Variants in CDK2AP1 observed in about 807,000 individuals in gnomAD.
CDK2AP1 encodes cyclin dependent kinase 2 associated protein 1, also known as cyclin-dependent kinase 2-associated protein 1.
Under a neutral mutation model 14.1 loss-of-function variants are expected in CDK2AP1, and 10 were observed. The observed-to-expected ratio is 0.71, with a 90% confidence interval of 0.44 to 1.20. The LOEUF is 1.20. Ranked by LOEUF, CDK2AP1 falls within the 50% of genes most tolerant of loss-of-function variation. The pLI is 0.00. For missense variants in CDK2AP1, 102 were observed against 149.9 expected (o/e 0.68, Z 1.67); for synonymous variants, 59 against 59.8 (o/e 0.99, Z 0.06).
intron 3 of CDK2AP1, among the ~76,000 whole-genome samples, chr12:123,263,386 T>C (rs935876323): frequency 6.6e-6 from 1 of 152,092 alleles, no homozygotes; most frequent in Admixed American, 6.6e-5. Flanking sequence ...GGCCAAGGGG[T>C]AGCACTAGGT....
chr12:123,270,542 C>CTGT (rs1163555500), intron 1 of CDK2AP1, among the ~76,000 whole-genome samples: 1 of 152,102 alleles, frequency 6.6e-6, no homozygotes, highest in Admixed American at 6.5e-5. Context: ...TTTGGGAAGT[C>CTGT]TGTTTCCGAC....
At position 123,271,578 on chromosome 12, in the gene CDK2AP1, GC is replaced by G; in HGVS notation, c.40del (p.Ala14ProfsTer34). 1 of 1,011,168 alleles carries G rather than the reference GC, an allele frequency of 9.9e-7. No individual in the cohort carries two copies. The highest frequency in any genetic ancestry group is 4.3e-5 in the South Asian group (1 of 23,488). The allele number at this position is 1,011,168 out of a possible 1,614,324, so 62.6% of individuals were successfully genotyped here. On this transcript the variant is annotated frameshift_variant, in exon 1 of 4. Coordinates refer to ENST00000261692, the MANE Select transcript of CDK2AP1 (RefSeq NM_004642.4). LOFTEE classifies it high-confidence loss of function. ...KPNLAAHMPA[A>X]ALNAAGSVHS... is the part of the protein sequence containing the mutation. ...GGCTCACTCACCGGCGTTGAGGGCG[GC>G]GGCGGGCATGTGCGCGGCCAAGTTC...
At chr12:123,269,404 G>C (rs1011441087) in intron 1 of CDK2AP1, among the ~76,000 whole-genome samples, 3 of 152,168 alleles carry the variant, frequency 2.0e-5, no homozygotes, top group East Asian at 1.9e-4. Flanking sequence ...GTTCGGGGGC[G>C]GGGGGGTGTC....
chr12:123,271,459 C>A lies in CDK2AP1; in HGVS notation c.55+105G>T. On this transcript the variant is annotated intron_variant, in intron 1 of 3. Coordinates refer to ENST00000261692, the MANE Select transcript of CDK2AP1 (RefSeq NM_004642.4). ...GCCCCGGGCCGGGACCCTGAGCCCC[C>A]CGCCCCCGGCCTCCGCGGGCGCCCC... 1.4e-5 allele frequency: 7 copies of A among 514,090 alleles called. 1 individual carries two copies. In the South Asian group the frequency reaches 4.7e-4, roughly 35 times the overall value. The allele number at this position is 514,090 out of a possible 1,614,324, so 31.8% of individuals were successfully genotyped here. A position where few individuals can be genotyped will look rare whatever the true frequency, so the allele number is the denominator to read the frequency against.
intron 1 of CDK2AP1, among the ~76,000 whole-genome samples, chr12:123,270,698 A>G (rs1441092606): frequency 6.6e-6 from 1 of 151,950 alleles, no homozygotes; most frequent in Admixed American, 6.5e-5. Flanking sequence ...GTTTCCTGGG[A>G]GCGCCCGGCT....
chr12:123,266,599 G>C (rs755917058), intron 2 of CDK2AP1, among the ~76,000 whole-genome samples: 3 of 152,260 alleles, frequency 2.0e-5, no homozygotes, highest in Non-Finnish European at 4.4e-5. Context: ...CTGTTCGCCA[G>C]CCTGGGCTGG....
Position 123,271,590 on chromosome 12 carries a change from T to A in CDK2AP1, c.29A>T (p.His10Leu). The A allele has an allele frequency of 9.9e-7, 1 of 1,008,694 alleles. No homozygotes were observed. Among genetic ancestry groups the A allele is most frequent in the Non-Finnish European group, 1.2e-6 (1 of 845,962 alleles). 62.5% of individuals were successfully genotyped at this position (1,008,694 alleles called of 1,614,324 possible). Residue 10 changes from histidine (H) to leucine (L), a missense_variant, in exon 1 of 4, where the codon CAC (histidine) becomes CTC (leucine). His to Leu is a moderately conservative substitution (Grantham distance 99). This residue lies in a region of CDK2AP1 where 50 missense variants were observed against 42.7 expected (regional missense o/e 1.17). Transcript: ENST00000261692. MSYKPNLAA[H>L]MPAAALNAAG... ...GGCGTTGAGGGCGGCGGCGGGCATG[T>A]GCGCGGCCAAGTTCGGTTTGTAAGA...
intron 2 of CDK2AP1, among the ~76,000 whole-genome samples, chr12:123,266,863 T>A (rs1227275482): frequency 1.3e-5 from 2 of 152,208 alleles, no homozygotes; most frequent in East Asian, 3.8e-4. Context: ...AGCATCAAGG[T>A]CAGGCCTCAC....
rs1039106451 is a variant in CDK2AP1, at chr12:123,265,141, C to T, written c.280+55G>A. 6.2e-7 allele frequency: 1 copy of T among 1,604,968 alleles called. No homozygotes were observed. The highest frequency in any genetic ancestry group is 1.3e-5 in the African/African-American group (1 of 74,754). On this transcript the variant is annotated intron_variant, in intron 3 of 3. Coordinates refer to ENST00000261692, the MANE Select transcript of CDK2AP1 (RefSeq NM_004642.4). This position sits in a 1 kb window ranked among gnomAD's most constrained non-coding sequence, Gnocchi z 5.3. ...CCCACATTTTCCCCAAAAGTCTTTC[C>T]AGAGTTAAAGGTCTAGCACTGTGGT...
chr12:123,269,538 T>C (rs570093848), intron 1 of CDK2AP1, among the ~76,000 whole-genome samples: 23 of 152,260 alleles, frequency 1.5e-4, no homozygotes, highest in African/African-American at 4.3e-4. Context: ...TCTCAGACAA[T>C]GAGCGCAGTG....
chr12:123,267,007 C>T (rs1174708500), intron 2 of CDK2AP1, among the ~76,000 whole-genome samples, 178 bp downstream of exon 2: 1 of 152,210 alleles, frequency 6.6e-6, no homozygotes, highest in Non-Finnish European at 1.5e-5. Flanking sequence ...GAAGCACAGT[C>T]CCCAGTGCCC....
Position 123,265,169 on chromosome 12 carries a change from C to T in CDK2AP1, c.280+27G>A, listed in dbSNP as rs1410778430. The stretch of plus-strand genomic sequence containing the variant: ...AGTTAAAGGTCTAGCACTGTGGTCA[C>T]CGACAGGGCAGCGGGGCCGGGCTTA... On this transcript the variant is annotated intron_variant, in intron 3 of 3. Coordinates refer to ENST00000261692, the MANE Select transcript of CDK2AP1 (RefSeq NM_004642.4). The surrounding 1 kb of genome is among the most constrained non-coding windows in gnomAD (Gnocchi z 5.3). 6.2e-7 allele frequency: 1 copy of T among 1,613,750 alleles called. No individual in the cohort carries two copies. The highest frequency in any genetic ancestry group is 1.7e-5 in the Admixed American group (1 of 60,010).
chr12:123,261,614 C>A lies in CDK2AP1; in HGVS notation c.*122G>T. On this transcript the variant is annotated 3_prime_UTR_variant, in exon 4 of 4. Transcript: ENST00000261692. ...GACTGTAGGTTCAGAGCCAAGTGAA[C>A]CATGGGAGGAAAAACGAAACTGTAA... The A allele has an allele frequency of 1.2e-5, 9 of 753,398 alleles. No homozygotes were observed. Among genetic ancestry groups the A allele is most frequent in the Non-Finnish European group, 2.1e-5 (9 of 433,462 alleles). 46.7% of individuals were successfully genotyped at this position (753,398 alleles called of 1,614,324 possible). A position where few individuals can be genotyped will look rare whatever the true frequency, so the allele number is the denominator to read the frequency against.
In CDK2AP1 at chr12:123,265,089, G is replaced by C. The variant is rs2048276232; in HGVS notation, c.280+107C>G. ...TCTGTAACAAGACAGGAGCTCCCAT[G>C]AGTGAGCCTCATCCCTAGCCCACCT... On this transcript the variant is annotated intron_variant, in intron 3 of 3. Coordinates refer to ENST00000261692, the MANE Select transcript of CDK2AP1 (RefSeq NM_004642.4). This position sits in a 1 kb window ranked among gnomAD's most constrained non-coding sequence, Gnocchi z 5.3. The C allele has an allele frequency of 6.9e-7, 1 of 1,452,464 alleles. No individual in the cohort carries two copies. Among genetic ancestry groups the C allele is most frequent in the Admixed American group, 1.7e-5 (1 of 57,448 alleles). 90.0% of individuals were successfully genotyped at this position (1,452,464 alleles called of 1,614,324 possible).
At chr12:123,264,596 T>C (rs1341861734) in intron 3 of CDK2AP1, among the ~76,000 whole-genome samples, 1 of 151,928 alleles carries the variant, frequency 6.6e-6, no homozygotes, top group African/African-American at 2.4e-5. Context: ...TCCCCTTTTA[T>C]TTCAGAAGGT....
At chr12:123,263,651 C>T (rs1555239471) in intron 3 of CDK2AP1, among the ~76,000 whole-genome samples, 1 of 152,202 alleles carries the variant, frequency 6.6e-6, no homozygotes, top group Non-Finnish European at 1.5e-5. Flanking sequence ...CTGGTAGTCC[C>T]AACCTAGCTT....
intron 3 of CDK2AP1, among the ~76,000 whole-genome samples, chr12:123,264,653 T>A (rs2048270568): frequency 6.6e-6 from 1 of 152,004 alleles, no homozygotes; most frequent in African/African-American, 2.4e-5. Flanking sequence ...CAGTCACACC[T>A]TAACACGAGT....
intron 1 of CDK2AP1, among the ~76,000 whole-genome samples, chr12:123,270,537 G>A (rs1394667514): frequency 6.6e-6 from 1 of 152,082 alleles, no homozygotes; most frequent in Non-Finnish European, 1.5e-5. Flanking sequence ...CGCCTTTTGG[G>A]AAGTCTGTTT....
intron 2 of CDK2AP1, 87 bp downstream of exon 2, chr12:123,267,098 G>A (rs1369050583): frequency 2.0e-5 from 17 of 853,498 alleles, no homozygotes; most frequent in South Asian, 2.7e-5. Flanking sequence ...CTGCTCCTTC[G>A]TCTCTTCCAC....
Sources: gnomAD v4.1 joint callset for allele counts (sites outside exome capture counted in the v4.1 genomes callset) on GRCh38, gnomAD v4.1.1 for gene constraint, gnomAD v4.1.1 regional missense constraint, Gnocchi (gnomAD v3.1) non-coding constraint, MANE v1.5 for transcripts, NCBI Gene and HGNC (gene_info 2026-07-23, HGNC 2026-07-21) for gene names.